The following MYO16 variants were observed in gnomAD, a reference collection of about 807,000 sequenced individuals.
MYO16 encodes the protein unconventional myosin-XVI.
Under a neutral mutation model 205.3 loss-of-function variants are expected in MYO16, and 94 were observed. The ratio of observed to expected loss-of-function variants is 0.46; its 90% CI spans 0.39 to 0.54. MYO16 has a LOEUF of 0.54. Ranked by LOEUF, MYO16 falls within the 20% of genes least tolerant of loss-of-function variation. The pLI, the probability that MYO16 is intolerant of heterozygous loss-of-function variation, is 0.00. For missense variants in MYO16, 2,315 were observed against 2,387.5 expected, an observed-to-expected ratio of 0.97 and a Z score of 0.63; for synonymous variants, 988 against 954.0, an observed-to-expected ratio of 1.04 and a Z score of -0.66.
intron 1 of MYO16, among the ~76,000 whole-genome samples, chr13:108,641,919 G>A (rs1441791184): frequency 6.6e-6 from 1 of 152,212 alleles, no homozygotes; most frequent in Non-Finnish European, 1.5e-5. Context: ...ACACAGTCAT[G>A]TAGGTTGGAC....
intron 2 of MYO16, among the ~76,000 whole-genome samples, chr13:108,697,835 G>T (rs563869475): frequency 6.6e-6 from 1 of 152,050 alleles, no homozygotes; most frequent in South Asian, 2.1e-4. Context: ...CAATTCTCCT[G>T]CCTCAGCCTC....
chr13:109,105,659 G>C (rs1889103996), intron 28 of MYO16, among the ~76,000 whole-genome samples: 1 of 152,070 alleles, frequency 6.6e-6, no homozygotes. Flanking sequence ...ATACTATATA[G>C]GGTCAAATTA....
intron 1 of MYO16, among the ~76,000 whole-genome samples, chr13:108,656,344 T>G (rs1359038429): frequency 6.6e-6 from 1 of 152,190 alleles, no homozygotes; most frequent in Non-Finnish European, 1.5e-5. Context: ...AAGTGCCTTT[T>G]GCCTCCTGCC....
chr13:109,193,071 T>A (rs1566557493), intron 34 of MYO16, among the ~76,000 whole-genome samples: 1 of 152,116 alleles, frequency 6.6e-6, no homozygotes, highest in Non-Finnish European at 1.5e-5. Flanking sequence ...TAATGATCAG[T>A]TGGTGCTCCA....
At chr13:109,007,261 G>A (rs1195002989) in intron 21 of MYO16, among the ~76,000 whole-genome samples, 3 of 152,010 alleles carry the variant, frequency 2.0e-5, no homozygotes, top group Non-Finnish European at 4.4e-5. Context: ...GGTGGCGGGC[G>A]CCTGTAGTCC....
chr13:108,985,497 G>A (rs1884596421), intron 20 of MYO16, among the ~76,000 whole-genome samples: 1 of 152,224 alleles, frequency 6.6e-6, no homozygotes. Context: ...TAGCTGACGT[G>A]TCAGCAGACG....
At chr13:108,771,764 C>A (rs190328197) in intron 4 of MYO16, among the ~76,000 whole-genome samples, 203 of 150,842 alleles carry the variant, frequency 1.3e-3, no homozygotes, top group Non-Finnish European at 2.2e-3. Flanking sequence ...ACTTTTCAGA[C>A]TGGCTTTTTT....
chr13:109,169,683 C>G (rs893046171), intron 33 of MYO16, among the ~76,000 whole-genome samples: 4 of 151,754 alleles, frequency 2.6e-5, no homozygotes, highest in African/African-American at 9.7e-5. Flanking sequence ...TAAATAACAC[C>G]GTAAATGTTA....
At chr13:108,516,462 G>T in the MYO16 span, among the ~76,000 whole-genome samples, 1 of 152,162 alleles carries the variant, frequency 6.6e-6, no homozygotes, top group African/African-American at 2.4e-5. Context: ...GGGAGCTGTA[G>T]ACCGGAGCTG....
chr13:108,965,648 C>T (rs1168403347), intron 20 of MYO16, among the ~76,000 whole-genome samples: 5 of 152,136 alleles, frequency 3.3e-5, no homozygotes, highest in East Asian at 1.9e-4. Context: ...TCAGGTGATC[C>T]GCCTGCCTCG....
At position 108,689,640 on chromosome 13, in the gene MYO16, C is replaced by A. The variant is rs9520963; in HGVS notation, c.293-23021C>A. Among the ~76,000 whole-genome samples the A allele has an allele frequency of 5.9e-3, 895 of 151,856 alleles. 12 individuals are homozygous for A. The highest frequency in any genetic ancestry group is 0.02 in the African/African-American group (830 of 41,430). ...TCAGACAAATAATCTATTTCCTTGC[C>A]TAATTTTATTAACTGCCATTTTGTA... On this transcript the variant is annotated intron_variant, in intron 2 of 34. Transcript: ENST00000457511.
At position 109,022,910 on chromosome 13, in the gene MYO16, A is replaced by G. The variant is rs1042346556; in HGVS notation, c.2796+2999A>G. Among the ~76,000 whole-genome samples, 30 of 135,472 alleles carry G rather than the reference A, an allele frequency of 2.2e-4. No homozygotes were observed. The South Asian group carries it at 5.6e-3, about 25-fold the overall frequency. 88.9% of individuals were successfully genotyped at this position (135,472 alleles called of 152,430 possible). On this transcript the variant is annotated intron_variant, in intron 23 of 34. Transcript: ENST00000457511. ...TATATATACACATGTAAATATATGT[A>G]TACATTTATATATTATATACACATG...
At chr13:108,618,399 CTG>C (rs796831591) in intron 1 of MYO16, among the ~76,000 whole-genome samples, 161 of 152,334 alleles carry the variant, frequency 1.1e-3, no homozygotes, top group African/African-American at 3.2e-3. Context: ...TGCATTAAGA[CTG>C]TGGTGGCAGT....
chr13:108,780,688 T>C (rs1169952345), intron 4 of MYO16, among the ~76,000 whole-genome samples: 2 of 152,230 alleles, frequency 1.3e-5, no homozygotes, highest in African/African-American at 4.8e-5. Flanking sequence ...TTTTTGACTA[T>C]TATGAATACG....
At chr13:108,728,985 C>T (rs201382090) in intron 4 of MYO16, among the ~76,000 whole-genome samples, 10 of 144,604 alleles carry the variant, frequency 6.9e-5, no homozygotes, top group Non-Finnish European at 1.2e-4. Flanking sequence ...TGTACACTTT[C>T]TTTTTTTTTT....
At chr13:108,770,546 C>T (rs2138878161) in intron 4 of MYO16, among the ~76,000 whole-genome samples, 1 of 152,266 alleles carries the variant, frequency 6.6e-6, no homozygotes, top group African/African-American at 2.4e-5. Context: ...GTCACATTAG[C>T]CTCTCTGATC....
intron 14 of MYO16, 42 bp downstream of exon 14, chr13:108,888,519 G>A: frequency 7.2e-7 from 1 of 1,391,066 alleles, no homozygotes; most frequent in Non-Finnish European, 1.0e-6. Context: ...GAATGAAGAT[G>A]TTCAGCCAGT....
chr13:109,083,635 C>T (rs1476875217), intron 27 of MYO16, among the ~76,000 whole-genome samples: 2 of 152,130 alleles, frequency 1.3e-5, no homozygotes. Flanking sequence ...CTAACATTTA[C>T]TCTAAGTGGG....
the MYO16 span, among the ~76,000 whole-genome samples, chr13:108,544,221 TG>T: frequency 6.6e-6 from 1 of 152,168 alleles, no homozygotes. Flanking sequence ...TTATTCTAGG[TG>T]GAATGTAGCC....
Sources: gnomAD v4.1 joint callset for allele counts (sites outside exome capture counted in the v4.1 genomes callset) on GRCh38, gnomAD v4.1.1 for gene constraint, MANE v1.5 for transcripts, NCBI Gene and HGNC (gene_info 2026-07-23, HGNC 2026-07-21) for gene names.